Variants in CSMD1 observed in about 807,000 individuals in gnomAD.
CSMD1 encodes CUB and sushi domain-containing protein 1.
CSMD1 carries 213 observed loss-of-function variants against 417.5 expected under a neutral mutation model. The observed-to-expected ratio is 0.51, with a 90% CI of 0.46 to 0.57. CSMD1 has a LOEUF of 0.57. Ranked by LOEUF, CSMD1 falls within the 20% of genes least tolerant of loss-of-function variation. CSMD1 has a pLI of 0.00. For synonymous variants in CSMD1, 2,862 were observed against 1,736.8 expected (o/e 1.65, Z -16.11); for missense variants, 6,923 against 4,529.7 (o/e 1.53, Z -15.17).
chr8:3,838,971 A>ATAT (rs371269639), intron 5 of CSMD1, among the ~76,000 whole-genome samples: 35,503 of 109,562 alleles, frequency 0.32, 7,094 homozygotes, highest in African/African-American at 0.44. Flanking sequence ...TTAATATTAT[A>ATAT]TATAATATAT....
At chr8:2,994,178 AGAAGAAAGAAAGTAAGAAG>A (rs755612475) in intron 54 of CSMD1, among the ~76,000 whole-genome samples, 15 of 149,424 alleles carry the variant, frequency 1.0e-4, no homozygotes, top group East Asian at 7.8e-4. Context: ...AAAAGCAAGA[AGAAGAAAGAAAGTAAGAAG>A]GAAGAAAGAA....
chr8:3,999,904 G>T (rs960313489), intron 4 of CSMD1, among the ~76,000 whole-genome samples: 5 of 152,108 alleles, frequency 3.3e-5, no homozygotes, highest in African/African-American at 1.2e-4. Flanking sequence ...GGACATCTCA[G>T]GAAACTCATT....
intron 10 of CSMD1, among the ~76,000 whole-genome samples, chr8:3,547,745 G>C (rs1798735921): frequency 6.6e-6 from 1 of 152,122 alleles, no homozygotes; most frequent in African/African-American, 2.4e-5. Flanking sequence ...GCTTGAGCTA[G>C]TTATCTAATA....
chr8:3,402,569 C>T (rs747477155), intron 15 of CSMD1, among the ~76,000 whole-genome samples: 6 of 152,086 alleles, frequency 3.9e-5, no homozygotes, highest in Admixed American at 1.3e-4. Context: ...GAAAATTCTG[C>T]CAGAATAAAT....
intron 5 of CSMD1, among the ~76,000 whole-genome samples, chr8:3,840,742 C>CTGGA (rs1293985127): frequency 1.4e-5 from 2 of 142,220 alleles, no homozygotes; most frequent in African/African-American, 5.3e-5. Context: ...GTCGTGTAGG[C>CTGGA]TGGAGTTCAG....
At chr8:3,764,021 T>C (rs186869399) in intron 5 of CSMD1, among the ~76,000 whole-genome samples, 1 of 152,244 alleles carries the variant, frequency 6.6e-6, no homozygotes, top group Admixed American at 6.5e-5. Flanking sequence ...CAGCAGGTGT[T>C]TGGCACACAG....
intron 12 of CSMD1, among the ~76,000 whole-genome samples, chr8:3,451,088 T>A (rs1047143867): frequency 3.3e-5 from 5 of 152,238 alleles, no homozygotes; most frequent in African/African-American, 1.2e-4. Flanking sequence ...TTTTTTCACG[T>A]CTCTTTTGGC....
chr8:3,646,045 C>T (rs956966899), intron 7 of CSMD1, among the ~76,000 whole-genome samples: 1 of 145,288 alleles, frequency 6.9e-6, no homozygotes, highest in African/African-American at 2.7e-5. Context: ...TTCTAAATTC[C>T]CAACCAAAAA....
rs201492783 is a variant in CSMD1 at position 4,441,100 on chromosome 8, T to TTG, written c.303-21036_303-21035insCA. The stretch of plus-strand genomic sequence containing the variant: ...TTTGACTCGTTAATCAAAAGGTTTT[T>TTG]TTTTTTTTTTTTTTTTTTAAGAGAT... On this transcript the variant is annotated intron_variant, in intron 2 of 69. Transcript: ENST00000635120. 3.7e-3 allele frequency among the ~76,000 whole-genome samples: 366 copies of TTG among 100,170 alleles called. 22 individuals carry two copies. Among genetic ancestry groups the TTG allele is most frequent in the East Asian group, 0.016 (51 of 3,140 alleles). The allele number at this position is 100,170 out of a possible 152,430, so 65.7% of individuals were successfully genotyped here.
chr8:3,720,928 G>C (rs184985094), intron 6 of CSMD1, among the ~76,000 whole-genome samples: 3 of 151,960 alleles, frequency 2.0e-5, no homozygotes, highest in Non-Finnish European at 4.4e-5. Flanking sequence ...TGTTTCTCCT[G>C]CCTCAGCCTC....
At chr8:3,206,277 CTGTGTGTA>C (rs1377552604) in intron 30 of CSMD1, among the ~76,000 whole-genome samples, 1 of 96,520 alleles carries the variant, frequency 1.0e-5, no homozygotes, top group Non-Finnish European at 2.0e-5. Flanking sequence ...GGGTATGTCT[CTGTGTGTA>C]TGTGTGTGTG....
chr8:3,827,296 G>C (rs1802110500), intron 5 of CSMD1, among the ~76,000 whole-genome samples: 1 of 152,112 alleles, frequency 6.6e-6, no homozygotes, highest in Non-Finnish European at 1.5e-5. Flanking sequence ...ACCACATGTG[G>C]TTAGAGTCAA....
intron 5 of CSMD1, among the ~76,000 whole-genome samples, chr8:3,840,629 G>C (rs543081202): frequency 6.6e-6 from 1 of 151,738 alleles, no homozygotes; most frequent in African/African-American, 2.4e-5. Context: ...ATATCTGTGT[G>C]TGTGCACTTG....
chr8:3,681,946 T>A (rs1485801305), intron 7 of CSMD1, among the ~76,000 whole-genome samples: 1 of 152,146 alleles, frequency 6.6e-6, no homozygotes, highest in Non-Finnish European at 1.5e-5. Flanking sequence ...GGGGAAAGGA[T>A]TCCCTATTCA....
chr8:3,969,054 C>T (rs2130059716), intron 5 of CSMD1, among the ~76,000 whole-genome samples: 1 of 152,202 alleles, frequency 6.6e-6, no homozygotes, highest in Middle Eastern at 3.4e-3. Flanking sequence ...AGTTCGAGAC[C>T]AGCCTGGACA....
intron 8 of CSMD1, among the ~76,000 whole-genome samples, chr8:3,615,251 A>G (rs1204930022): frequency 6.6e-6 from 1 of 152,128 alleles, no homozygotes; most frequent in Non-Finnish European, 1.5e-5. Context: ...CAAAGTGGGT[A>G]CAAAAGGTGA....
chr8:4,732,938 G>A (rs947403512), intron 1 of CSMD1, among the ~76,000 whole-genome samples: 3 of 152,052 alleles, frequency 2.0e-5, no homozygotes, highest in African/African-American at 7.2e-5. Context: ...GAGGCAGCAA[G>A]GGCGGAGAAG....
chr8:3,865,189 T>C (rs887579338), intron 5 of CSMD1, among the ~76,000 whole-genome samples: 5 of 152,198 alleles, frequency 3.3e-5, no homozygotes, highest in Non-Finnish European at 7.4e-5. Flanking sequence ...ACCTCTGATA[T>C]TTAACATCTT....
At chr8:4,695,126 C>T (rs1236183930) in intron 1 of CSMD1, among the ~76,000 whole-genome samples, 2 of 152,152 alleles carry the variant, frequency 1.3e-5, no homozygotes, top group Non-Finnish European at 2.9e-5. Flanking sequence ...ACTTCGACCA[C>T]CGTGACTTAT....
Sources: gnomAD v4.1 joint callset for allele counts (sites outside exome capture counted in the v4.1 genomes callset) on GRCh38, gnomAD v4.1.1 for gene constraint, MANE v1.5 for transcripts, NCBI Gene and HGNC (gene_info 2026-07-23, HGNC 2026-07-21) for gene names.